Variants in NECAB2 observed in about 807,000 individuals in gnomAD.
NECAB2 encodes the protein N-terminal EF-hand calcium-binding protein 2.
In NECAB2, 68 loss-of-function variants were observed where a neutral mutation model predicts 51.9. The observed-to-expected ratio is 1.31, with a 90% confidence interval of 1.08 to 1.60. NECAB2 has a LOEUF of 1.60. NECAB2 is among the 40% of genes most tolerant of loss of function. The pLI is 0.00. For synonymous variants in NECAB2, 329 were observed against 203.5 expected (o/e 1.62, Z -5.25); for missense variants, 854 against 490.3 (o/e 1.74, Z -7.00).
intron 8 of NECAB2, 105 bp from the exon 9 acceptor site, chr16:83,997,111 G>C (rs549592177): frequency 1.0e-5 from 14 of 1,366,746 alleles, no homozygotes; most frequent in Non-Finnish European, 1.3e-5. Flanking sequence ...CAACAGGGCC[G>C]GGTCCTTGGG....
Position 83,998,281 on chromosome 16 carries a change from A to G in NECAB2, c.926A>G (p.Tyr309Cys), listed in dbSNP as rs2084749231. The G allele has an allele frequency of 1.2e-6, 2 of 1,613,490 alleles. No individual in the cohort carries two copies. Among genetic ancestry groups the G allele is most frequent in the Admixed American group, 1.7e-5 (1 of 60,004 alleles). ...GAGTTTCTGGACTCTCTGCGCCAGT[A>G]TCTGCGGGGGACCACTGGCGTGAGG... is the stretch of plus-strand genomic sequence containing the variant. The part of the protein sequence containing the change: ...LSEFLDSLRQ[Y>C]LRGTTGVRNC... The change falls in exon 10 of 13, where the codon TAT becomes TGT. Residue 309 changes from tyrosine to cysteine, a missense_variant. Physicochemically the swap from Tyr to Cys is radical, Grantham distance 194. Transcript: ENST00000305202.
intron 8 of NECAB2, among the ~76,000 whole-genome samples, chr16:83,995,690 A>C (rs1243006147): frequency 1.3e-5 from 2 of 151,856 alleles, no homozygotes; most frequent in Admixed American, 6.6e-5. Context: ...TGCTACTTTT[A>C]GTTTGGGGGT....
rs182642751 is a variant in NECAB2, at chr16:83,999,387, G to C, written c.962+1070G>C. Among the ~76,000 whole-genome samples the C allele has an allele frequency of 2.5e-3, 381 of 152,312 alleles. 3 individuals are homozygous for C. The highest frequency in any genetic ancestry group is 8.6e-3 in the African/African-American group (359 of 41,554). Reference sequence around the variant, plus strand: ...CTCCAGGGTGAAGTAGGGCCACCCCGATGCGCTGTGGAGAGGAGGCACGGT... The same window carrying C: ...CTCCAGGGTGAAGTAGGGCCACCCCCATGCGCTGTGGAGAGGAGGCACGGT... On this transcript the variant is annotated intron_variant, in intron 10 of 12. Transcript: ENST00000305202.
chr16:84,001,424 C>A (rs553517950), intron 11 of NECAB2, among the ~76,000 whole-genome samples: 2 of 152,220 alleles, frequency 1.3e-5, no homozygotes, highest in Non-Finnish European at 2.9e-5. Flanking sequence ...GGAACAGGGG[C>A]GGTCATGAGA....
intron 6 of NECAB2, 132 bp downstream of exon 6, chr16:83,990,762 T>A (rs1273285489): frequency 3.5e-6 from 4 of 1,153,256 alleles, no homozygotes; most frequent in Non-Finnish European, 3.6e-6. Context: ...CAGCTCTTTG[T>A]GCCTTTGGTG....
chr16:83,998,422 C>A, intron 10 of NECAB2, 105 bp downstream of exon 10: 1 of 1,032,012 alleles, frequency 9.7e-7, no homozygotes, highest in South Asian at 1.5e-5. Flanking sequence ...ACAAGTTGCA[C>A]CCCAGGGACA....
At chr16:83,986,343 G>T (rs1020029247) in intron 5 of NECAB2, among the ~76,000 whole-genome samples, 2 of 152,138 alleles carry the variant, frequency 1.3e-5, no homozygotes, top group Non-Finnish European at 2.9e-5. Context: ...CTCAATATGA[G>T]AATCAGTAAG....
intron 5 of NECAB2, among the ~76,000 whole-genome samples, chr16:83,987,545 T>TA (rs2084571525): frequency 6.6e-6 from 1 of 152,194 alleles, no homozygotes; most frequent in African/African-American, 2.4e-5. Flanking sequence ...AGCCTTTTTT[T>TA]ATGTGTATTT....
At chr16:83,983,681 T>G (rs1436499589) in intron 5 of NECAB2, among the ~76,000 whole-genome samples, 1 of 152,188 alleles carries the variant, frequency 6.6e-6, no homozygotes, top group Non-Finnish European at 1.5e-5. Context: ...TAAACCCTAA[T>G]TGGTATATTA....
intron 6 of NECAB2, among the ~76,000 whole-genome samples, chr16:83,991,043 G>A (rs371436980): frequency 5.9e-5 from 9 of 152,200 alleles, no homozygotes; most frequent in East Asian, 3.9e-4. Flanking sequence ...GTGCAGTGGC[G>A]TGATTTTGGC....
intron 5 of NECAB2, among the ~76,000 whole-genome samples, chr16:83,985,821 A>G (rs2084545756): frequency 6.6e-6 from 1 of 152,082 alleles, no homozygotes. Flanking sequence ...AGATTTTTCC[A>G]TTACATTTGT....
At chr16:83,998,071 TCATGGGTAAGAATGAAAA>T in intron 9 of NECAB2, 116 bp from the exon 10 acceptor site, 1 of 766,586 alleles carries the variant, frequency 1.3e-6, no homozygotes, top group Non-Finnish European at 2.1e-6. Flanking sequence ...TCTTATCCAT[TCATGGGTAAGAATGAAAA>T]GTGGGGGAGG....
intron 2 of NECAB2, among the ~76,000 whole-genome samples, chr16:83,977,845 C>G (rs1255106976): frequency 6.6e-6 from 1 of 152,306 alleles, no homozygotes; most frequent in African/African-American, 2.4e-5. Context: ...ACTCTAAGAA[C>G]AGTGCTGAGA....
intron 1 of NECAB2, among the ~76,000 whole-genome samples, chr16:83,970,395 C>T (rs972725264): frequency 3.3e-5 from 5 of 152,260 alleles, no homozygotes; most frequent in East Asian, 1.9e-4. Flanking sequence ...CAGTCAGGAA[C>T]GGGGCTGCGG....
intron 5 of NECAB2, among the ~76,000 whole-genome samples, chr16:83,985,363 G>A (rs1014436618): frequency 8.0e-5 from 11 of 138,126 alleles, no homozygotes; most frequent in East Asian, 4.4e-4. Context: ...TGCTGGGTGC[G>A]GTGGCTCACA....
At chr16:84,001,219 G>T (rs139319200) in intron 11 of NECAB2, among the ~76,000 whole-genome samples, 153 of 151,922 alleles carry the variant, frequency 1.0e-3, no homozygotes, top group African/African-American at 3.4e-3. Context: ...GACGGAGATG[G>T]GGTAGGGTGT....
chr16:84,000,837 CAGAGGGAAGT>C, intron 11 of NECAB2, 36 bp downstream of exon 11: 3 of 1,398,156 alleles, frequency 2.1e-6, no homozygotes, highest in East Asian at 2.8e-5. Flanking sequence ...GTGAGGGAGA[CAGAGGGAAGT>C]GGGGGGGCTG....
chr16:84,002,471 G>GT lies in NECAB2; in HGVS notation c.*128dup, dbSNP rs1411556963. 1 of 1,326,768 alleles carries GT rather than the reference G, an allele frequency of 7.5e-7. No homozygotes were observed. Among genetic ancestry groups the GT allele is most frequent in the African/African-American group, 1.5e-5 (1 of 68,268 alleles). 82.2% of individuals were successfully genotyped at this position (1,326,768 alleles called of 1,614,324 possible). Reference sequence around the variant, plus strand: ...TTCAATCCATCCTCCACAAGAAGGTGTTTCCCTGTTGTTAAGTGAAGGAGG... The same window carrying GT: ...TTCAATCCATCCTCCACAAGAAGGTGTTTTCCCTGTTGTTAAGTGAAGGAGG... On this transcript the variant is annotated 3_prime_UTR_variant, in exon 13 of 13. Coordinates refer to ENST00000305202, the MANE Select transcript of NECAB2 (RefSeq NM_019065.3).
At chr16:84,000,591 A>AG (rs2084810101) in intron 10 of NECAB2, 133 bp from the exon 11 acceptor site, 16 of 646,162 alleles carry the variant, frequency 2.5e-5, no homozygotes, top group Middle Eastern at 3.0e-4. Context: ...GTCTCGATGG[A>AG]GGTCAAGACA....
Sources: allele counts gnomAD v4.1 joint callset (sites outside exome capture counted in the v4.1 genomes callset), GRCh38; gene constraint gnomAD v4.1.1; transcripts MANE v1.5; gene names NCBI Gene and HGNC (gene_info 2026-07-23, HGNC 2026-07-21).